URI1: variants seen among roughly 807,000 people sequenced by gnomAD.
URI1 encodes the protein URI1 prefoldin like chaperone, also known as unconventional prefoldin RPB5 interactor 1.
URI1 carries 39 observed loss-of-function variants against 60.2 expected under a neutral mutation model. That is an observed-to-expected ratio of 0.65 (90% CI 0.50 to 0.85). URI1 has a LOEUF of 0.85. Ranked by LOEUF, URI1 falls within the 40% of genes least tolerant of loss-of-function variation. URI1 has a pLI of 0.00. For missense variants in URI1, 691 were observed against 665.9 expected, an observed-to-expected ratio of 1.04 and a Z score of -0.42; for synonymous variants, 251 against 236.8, an observed-to-expected ratio of 1.06 and a Z score of -0.55.
At chr19:30,011,962 G>A (rs528777208) in intron 9 of URI1, among the ~76,000 whole-genome samples, 27 of 151,808 alleles carry the variant, frequency 1.8e-4, no homozygotes, top group African/African-American at 6.3e-4. Flanking sequence ...ATGAGTTAAT[G>A]GGTGCAGCAC....
intron 4 of URI1, among the ~76,000 whole-genome samples, chr19:29,995,203 A>G (rs1385563982): frequency 2.6e-5 from 4 of 152,124 alleles, no homozygotes; most frequent in Non-Finnish European, 4.4e-5. Flanking sequence ...ACTTGTTACT[A>G]TATTTTTTAT....
intron 4 of URI1, among the ~76,000 whole-genome samples, chr19:29,986,871 A>T (rs335060): frequency 0.014 from 2,127 of 152,254 alleles, 67 homozygotes; most frequent in African/African-American, 0.049. Context: ...TTGGTTTGGA[A>T]AAAAAACCAT....
In URI1 at chr19:29,964,469, T is replaced by G. The variant is rs527523079; in HGVS notation, c.118-6724T>G. On this transcript the variant is annotated intron_variant, in intron 1 of 10. Coordinates refer to ENST00000392271, the MANE Select transcript of URI1 (RefSeq NM_003796.3). Reference sequence around the variant, plus strand: ...TTGTTTTTGTTTTTTGTTTTGTTTTTTTTTTTTTTTTTGAGACGGAGTTTT... The same window carrying G: ...TTGTTTTTGTTTTTTGTTTTGTTTTGTTTTTTTTTTTTGAGACGGAGTTTT... Among the ~76,000 whole-genome samples, 532 of 149,680 alleles carry G rather than the reference T, an allele frequency of 3.6e-3. 6 individuals are homozygous for G. The highest frequency in any genetic ancestry group is 0.013 in the East Asian group (67 of 5,150).
At chr19:29,940,814 G>T (rs1286974821), upstream of URI1, among the ~76,000 whole-genome samples, 1 of 152,138 alleles carries the variant, frequency 6.6e-6, no homozygotes, top group Non-Finnish European at 1.5e-5. Context: ...GCCCCTAAAC[G>T]AGGGGAAGTG....
intron 8 of URI1, among the ~76,000 whole-genome samples, 186 bp downstream of exon 8, chr19:30,009,539 A>G (rs2055992318): frequency 6.6e-6 from 1 of 152,116 alleles, no homozygotes; most frequent in African/African-American, 2.4e-5. Flanking sequence ...GTTAGCTGGT[A>G]TTGGTCCATT....
chr19:29,991,453 A>G (rs1012298968), intron 4 of URI1, among the ~76,000 whole-genome samples: 6 of 152,208 alleles, frequency 3.9e-5, no homozygotes, highest in Non-Finnish European at 8.8e-5. Context: ...TTAACATTGT[A>G]TCCTCCATTC....
At chr19:29,990,647 A>G (rs1029422635) in intron 4 of URI1, among the ~76,000 whole-genome samples, 2 of 152,368 alleles carry the variant, frequency 1.3e-5, no homozygotes, top group South Asian at 2.1e-4. Flanking sequence ...TTCCATTTAC[A>G]TGAAATATTC....
At chr19:29,954,663 C>G (rs1395362581) in intron 1 of URI1, among the ~76,000 whole-genome samples, 3 of 151,758 alleles carry the variant, frequency 2.0e-5, no homozygotes. Flanking sequence ...TACAGGCGCC[C>G]ACCACCATGC....
intron 1 of URI1, among the ~76,000 whole-genome samples, chr19:29,959,659 A>C (rs1209750961): frequency 6.6e-6 from 1 of 152,180 alleles, no homozygotes; most frequent in Non-Finnish European, 1.5e-5. Flanking sequence ...AGTTATCATA[A>C]TATCCTGTTA....
At chr19:29,951,780 T>G (rs915167568) in intron 1 of URI1, among the ~76,000 whole-genome samples, 4 of 152,198 alleles carry the variant, frequency 2.6e-5, no homozygotes, top group African/African-American at 9.7e-5. Flanking sequence ...TCTCCTGACC[T>G]CAGGTGATCC....
At chr19:29,952,906 A>G (rs2055197366) in intron 1 of URI1, among the ~76,000 whole-genome samples, 1 of 152,206 alleles carries the variant, frequency 6.6e-6, no homozygotes, top group South Asian at 2.1e-4. Flanking sequence ...TTATGACTAT[A>G]CATTTTGTTG....
At position 30,014,982 on chromosome 19, in the gene URI1, A is replaced by G; in HGVS notation, c.1521A>G (p.Glu507=). The G allele has an allele frequency of 6.2e-7, 1 of 1,613,884 alleles. No individual in the cohort carries two copies. The highest frequency in any genetic ancestry group is 8.5e-7 in the Non-Finnish European group (1 of 1,179,798). The part of the protein sequence containing the change: ...IAHPALPTIP[E]RKEVLLEASE... ...ATCCCGCACTACCCACTATTCCAGA[A>G]CGAAAGGAAGTTCTGTTGGAAGCAT... Residue 507 remains glutamate (E), a synonymous_variant, in exon 11 of 11, where the codon GAA becomes GAG. Coordinates refer to ENST00000392271, the MANE Select transcript of URI1 (RefSeq NM_003796.3).
intron 1 of URI1, among the ~76,000 whole-genome samples, chr19:29,964,464 G>GTTTTTT (rs373357906): frequency 4.8e-5 from 6 of 124,656 alleles, no homozygotes; most frequent in African/African-American, 9.1e-5. Flanking sequence ...TTTTTGTTTT[G>GTTTTTT]TTTTTTTTTT....
chr19:29,935,593 G>A (rs1159721976), intron 1 of URI1, among the ~76,000 whole-genome samples: 1 of 151,844 alleles, frequency 6.6e-6, no homozygotes, highest in African/African-American at 2.4e-5. Flanking sequence ...TGTAGAGCAG[G>A]GCTACTAGCA....
At chr19:30,002,534 T>G (rs963151593) in intron 4 of URI1, among the ~76,000 whole-genome samples, 2 of 151,958 alleles carry the variant, frequency 1.3e-5, no homozygotes, top group African/African-American at 4.8e-5. Context: ...CAGCCTGGTT[T>G]TGTCAGCTAA....
chr19:29,992,583 T>C (rs1331047485), intron 4 of URI1, among the ~76,000 whole-genome samples: 10 of 152,236 alleles, frequency 6.6e-5, no homozygotes, highest in Admixed American at 6.5e-4. Flanking sequence ...CTGTTGTTGC[T>C]GAAATAGGAA....
intron 5 of URI1, 62 bp from the exon 6 acceptor site, chr19:30,005,589 G>A: frequency 6.4e-7 from 1 of 1,573,684 alleles, no homozygotes; most frequent in Non-Finnish European, 8.6e-7. Flanking sequence ...TTGCTCTTTG[G>A]ATAATTTTAG....
rs1474985645 is a variant in URI1, at chr19:30,012,744, A to G, written c.1425+213A>G. ...AACACATTACTTGTCTTAACGTTCT[A>G]TTTCAGCAAAATGGGAAATTTAAAA... On this transcript the variant is annotated intron_variant, in intron 10 of 10. Transcript: ENST00000392271. 1.2e-5 allele frequency: 6 copies of G among 509,116 alleles called. No homozygotes were observed. The South Asian group carries it at 1.2e-4, about 10-fold the overall frequency. 31.5% of individuals were successfully genotyped at this position (509,116 alleles called of 1,614,324 possible).
In URI1 at chr19:30,015,412, G is replaced by A; in HGVS notation, c.*343G>A. On this transcript the variant is annotated 3_prime_UTR_variant, in exon 11 of 11. Transcript: ENST00000392271. Reference sequence around the variant, plus strand: ...AAATACAGGCAGTTTTGTGCCAGCTGTGATATTGTGCATACCATATGGACC... The same window carrying A: ...AAATACAGGCAGTTTTGTGCCAGCTATGATATTGTGCATACCATATGGACC... The A allele has an allele frequency of 6.9e-7, 1 of 1,451,060 alleles. No individual in the cohort carries two copies. Among genetic ancestry groups the A allele is most frequent in the South Asian group, 1.5e-5 (1 of 67,276 alleles). The allele number at this position is 1,451,060 out of a possible 1,614,324, so 89.9% of individuals were successfully genotyped here.
Sources: gnomAD v4.1 joint callset for allele counts (sites outside exome capture counted in the v4.1 genomes callset) on GRCh38, gnomAD v4.1.1 for gene constraint, MANE v1.5 for transcripts, NCBI Gene and HGNC (gene_info 2026-07-23, HGNC 2026-07-21) for gene names.